The following SLC12A2 variants were observed in gnomAD, a reference collection of about 807,000 sequenced individuals.
SLC12A2 encodes solute carrier family 12 member 2.
SLC12A2 carries 67 observed loss-of-function variants against 136.3 expected under a neutral mutation model. That is an observed-to-expected ratio of 0.49 (90% confidence interval 0.40 to 0.60). The LOEUF is 0.60. SLC12A2 is among the 20% of genes least tolerant of loss of function. The probability of loss-of-function intolerance (pLI) is 0.00; values close to 1 mark genes in which losing one functional copy is unlikely to be tolerated. For synonymous variants in SLC12A2, 619 were observed against 562.9 expected, an observed-to-expected ratio of 1.10 and a Z score of -1.41; for missense variants, 1,322 against 1,534.7, an observed-to-expected ratio of 0.86 and a Z score of 2.32.
At chr5:128,121,832 A>T (rs1399746116) in intron 4 of SLC12A2, among the ~76,000 whole-genome samples, 1 of 152,136 alleles carries the variant, frequency 6.6e-6, no homozygotes, top group Admixed American at 6.5e-5. Context: ...GAATCATAGC[A>T]GTGTTCTTGA....
chr5:128,114,474 G>T (rs192947035), intron 3 of SLC12A2, 112 bp from the exon 4 acceptor site: 4 of 844,134 alleles, frequency 4.7e-6, no homozygotes, highest in Non-Finnish European at 7.5e-6. Flanking sequence ...TCAAAATTGG[G>T]TAATTTATAA....
chr5:128,087,354 A>G (rs1760139549), intron 1 of SLC12A2, among the ~76,000 whole-genome samples: 1 of 152,222 alleles, frequency 6.6e-6, no homozygotes, highest in Admixed American at 6.5e-5. Flanking sequence ...ACAGACATTA[A>G]CAAAGTAGTT....
At chr5:128,124,801 TG>T (rs1339394189) in intron 4 of SLC12A2, among the ~76,000 whole-genome samples, 3 of 152,048 alleles carry the variant, frequency 2.0e-5, no homozygotes, top group Non-Finnish European at 4.4e-5. Flanking sequence ...GGGTGGGTAA[TG>T]GGGGTATTGA....
chr5:128,116,041 G>C (rs1300094655), intron 4 of SLC12A2, among the ~76,000 whole-genome samples: 1 of 152,182 alleles, frequency 6.6e-6, no homozygotes, highest in Non-Finnish European at 1.5e-5. Context: ...AGATAATGTT[G>C]AGAGATTCTT....
intron 5 of SLC12A2, among the ~76,000 whole-genome samples, chr5:128,132,941 A>G (rs1164130109): frequency 6.6e-6 from 1 of 152,172 alleles, no homozygotes; most frequent in African/African-American, 2.4e-5. Flanking sequence ...TTAGAGAAAT[A>G]TGAAATTTCA....
intron 17 of SLC12A2, 76 bp downstream of exon 17, chr5:128,161,876 T>C: frequency 4.0e-6 from 4 of 998,580 alleles, no homozygotes; most frequent in Non-Finnish European, 5.4e-6. Flanking sequence ...AATTCTAGAT[T>C]TCATTCTTCA....
intron 5 of SLC12A2, among the ~76,000 whole-genome samples, chr5:128,131,468 C>T (rs1391874067): frequency 2.0e-5 from 3 of 150,264 alleles, no homozygotes; most frequent in Non-Finnish European, 3.0e-5. Context: ...TCGAGGCGAG[C>T]GGATCACGAG....
At chr5:128,167,897 T>C (rs1763252256) in intron 18 of SLC12A2, 30 bp downstream of exon 18, 1 of 1,290,774 alleles carries the variant, frequency 7.7e-7, no homozygotes, top group East Asian at 2.5e-5. Context: ...AATAATTTAG[T>C]TCATTTAGAA....
At chr5:128,111,093 T>G (rs1369193284) in intron 1 of SLC12A2, 2 of 506,032 alleles carry the variant, frequency 4.0e-6, no homozygotes, top group Non-Finnish European at 7.4e-6. Context: ...ATATAAAATC[T>G]GTGTGATTGT....
intron 10 of SLC12A2, among the ~76,000 whole-genome samples, chr5:128,143,154 G>A (rs1048190943): frequency 6.6e-6 from 1 of 151,684 alleles, no homozygotes; most frequent in Non-Finnish European, 1.5e-5. Context: ...CAGCATATAC[G>A]TCCTGTATGT....
chr5:128,112,722 A>G lies in SLC12A2; in HGVS notation c.757-92A>G, dbSNP rs903023863. ...GGAAATCTGTACTATGCCCTCTTAA[A>G]TATGGTTAGATGTATTTAGTTATGT... On this transcript the variant is annotated intron_variant, in intron 1 of 26. Transcript: ENST00000262461. 7 of 956,740 alleles carry G rather than the reference A, an allele frequency of 7.3e-6. No homozygotes were observed. In the African/African-American group the frequency reaches 1.2e-4, roughly 16 times the overall value. The allele number at this position is 956,740 out of a possible 1,614,324, so 59.3% of individuals were successfully genotyped here.
intron 4 of SLC12A2, among the ~76,000 whole-genome samples, chr5:128,119,306 T>G (rs978556891): frequency 6.6e-6 from 1 of 152,188 alleles, no homozygotes; most frequent in African/African-American, 2.4e-5. Context: ...GGAAATAAAT[T>G]TTCTTAAAAC....
intron 17 of SLC12A2, among the ~76,000 whole-genome samples, chr5:128,163,987 TCTTG>T (rs1763123702): frequency 6.6e-6 from 1 of 152,206 alleles, no homozygotes; most frequent in African/African-American, 2.4e-5. Flanking sequence ...AGTAGGTAAA[TCTTG>T]CTTCCTTTAT....
At chr5:128,116,394 A>AATATAT (rs60538639) in intron 4 of SLC12A2, among the ~76,000 whole-genome samples, 6 of 144,262 alleles carry the variant, frequency 4.2e-5, no homozygotes, top group South Asian at 4.4e-4. Context: ...TGTATATATA[A>AATATAT]ATATATATAT....
intron 16 of SLC12A2, among the ~76,000 whole-genome samples, chr5:128,159,009 T>C (rs113856448): frequency 3.1e-4 from 47 of 152,210 alleles, no homozygotes; most frequent in Admixed American, 6.5e-4. Flanking sequence ...CAACTTTTTT[T>C]TTTTCAGGTA....
intron 2 of SLC12A2, 105 bp downstream of exon 2, chr5:128,113,038 T>C (rs1581073130): frequency 1.0e-6 from 1 of 1,000,224 alleles, no homozygotes; most frequent in East Asian, 2.7e-5. Context: ...TTTCTCTATG[T>C]TAACTGTCTT....
At chr5:128,087,913 T>G (rs1388052970) in intron 1 of SLC12A2, among the ~76,000 whole-genome samples, 1 of 151,736 alleles carries the variant, frequency 6.6e-6, no homozygotes, top group African/African-American at 2.4e-5. Flanking sequence ...GAGGAATAGA[T>G]TTGGTGGTTG....
chr5:128,104,120 A>G (rs971642092), intron 1 of SLC12A2, among the ~76,000 whole-genome samples: 2 of 152,212 alleles, frequency 1.3e-5, no homozygotes, highest in African/African-American at 4.8e-5. Flanking sequence ...GTGGGAAAGT[A>G]TCTAAGGGAA....
At chr5:128,162,688 C>T (rs790155) in intron 17 of SLC12A2, among the ~76,000 whole-genome samples, 125,969 of 152,132 alleles carry the variant, frequency 0.83, 52,864 homozygotes, top group African/African-American at 0.95. Context: ...ACAGAAATAC[C>T]ATGTCAGTAA....
Sources: allele counts gnomAD v4.1 joint callset (sites outside exome capture counted in the v4.1 genomes callset), GRCh38; gene constraint gnomAD v4.1.1; transcripts MANE v1.5; gene names NCBI Gene and HGNC (gene_info 2026-07-23, HGNC 2026-07-21).